PLXDC2: variants seen among roughly 807,000 people sequenced by gnomAD.
PLXDC2 encodes plexin domain containing 2, also known as plexin domain-containing protein 2.
Under a neutral mutation model 68.9 loss-of-function variants are expected in PLXDC2, and 40 were observed. That is an observed-to-expected ratio of 0.58 (90% CI 0.45 to 0.76). The LOEUF is 0.76. Among genes scored for constraint, PLXDC2 ranks in the 30% least tolerant of loss-of-function variants. PLXDC2 has a pLI of 0.00. For synonymous variants in PLXDC2, 243 were observed against 234.2 expected, an observed-to-expected ratio of 1.04 and a Z score of -0.34; for missense variants, 644 against 661.9, an observed-to-expected ratio of 0.97 and a Z score of 0.30.
At chr10:20,148,600 G>C (rs1039422046) in intron 6 of PLXDC2, among the ~76,000 whole-genome samples, 2 of 152,160 alleles carry the variant, frequency 1.3e-5, no homozygotes, top group Non-Finnish European at 2.9e-5. Context: ...GACAAAGTAA[G>C]TAAGGCCTGT....
chr10:19,922,684 G>GTA (rs1343324869), intron 1 of PLXDC2, among the ~76,000 whole-genome samples: 3 of 152,270 alleles, frequency 2.0e-5, no homozygotes, highest in African/African-American at 7.2e-5. Flanking sequence ...ACCTTGGAGA[G>GTA]TATATATGAG....
intron 1 of PLXDC2, among the ~76,000 whole-genome samples, chr10:19,818,826 C>A (rs1046755088): frequency 1.2e-4 from 18 of 152,002 alleles, no homozygotes; most frequent in African/African-American, 4.4e-4. Context: ...TGAATAGATG[C>A]TTAATAAAAA....
At chr10:20,256,476 C>G (rs1436783548) in intron 13 of PLXDC2, among the ~76,000 whole-genome samples, 1 of 152,080 alleles carries the variant, frequency 6.6e-6, no homozygotes, top group Non-Finnish European at 1.5e-5. Context: ...AAATGTGATT[C>G]TTGGGACAGC....
chr10:19,890,240 A>G (rs1230339040), intron 1 of PLXDC2, among the ~76,000 whole-genome samples: 1 of 152,014 alleles, frequency 6.6e-6, no homozygotes, highest in Non-Finnish European at 1.5e-5. Flanking sequence ...AAAAATTTTA[A>G]TTTTGTTTTA....
intron 2 of PLXDC2, among the ~76,000 whole-genome samples, chr10:20,021,549 C>T (rs886962445): frequency 6.6e-6 from 1 of 152,008 alleles, no homozygotes; most frequent in South Asian, 2.1e-4. Context: ...ACATATTAAT[C>T]CTCATCCTGA....
chr10:20,275,450 C>A (rs1474370038), intron 13 of PLXDC2, among the ~76,000 whole-genome samples: 1 of 152,108 alleles, frequency 6.6e-6, no homozygotes, highest in African/African-American at 2.4e-5. Flanking sequence ...TTCCAAAACA[C>A]ATGTTTTAGA....
At chr10:19,966,783 T>C (rs986863219) in intron 1 of PLXDC2, among the ~76,000 whole-genome samples, 2 of 149,426 alleles carry the variant, frequency 1.3e-5, no homozygotes, top group Admixed American at 1.3e-4. Context: ...ACAGGCCTCC[T>C]GGGAAGAGAA....
chr10:19,892,164 C>G (rs928591023), intron 1 of PLXDC2, among the ~76,000 whole-genome samples: 1 of 152,190 alleles, frequency 6.6e-6, no homozygotes, highest in African/African-American at 2.4e-5. Context: ...AACAATAATA[C>G]TTAATAAATA....
At chr10:20,069,159 A>AT (rs148104456) in intron 4 of PLXDC2, among the ~76,000 whole-genome samples, 2 of 152,102 alleles carry the variant, frequency 1.3e-5, no homozygotes, top group Non-Finnish European at 1.5e-5. Context: ...AAGTATTGCC[A>AT]TTTTTTGCCA....
rs968225605 is a variant in PLXDC2 at position 20,284,016 on chromosome 10, G to A, written c.*4197G>A. ...GAGTATAAATTTGATCACGTCCCTA[G>A]TGTCTATTGCCCACTTGAGAAAGGT... On this transcript the variant is annotated 3_prime_UTR_variant, in exon 14 of 14. Transcript: ENST00000377252. 5.3e-5 allele frequency: 8 copies of A among 152,056 alleles called. No homozygotes were observed. Among genetic ancestry groups the A allele is most frequent in the Admixed American group, 5.2e-4 (8 of 15,264 alleles). The allele number at this position is 152,056 out of a possible 1,614,324, so 9.4% of individuals were successfully genotyped here.
intron 2 of PLXDC2, among the ~76,000 whole-genome samples, chr10:20,025,266 G>A (rs558063519): frequency 3.6e-5 from 3 of 83,644 alleles, no homozygotes; most frequent in African/African-American, 5.8e-5. Flanking sequence ...TTGTTTTTTC[G>A]ACTTTTTTTT....
intron 1 of PLXDC2, among the ~76,000 whole-genome samples, chr10:19,965,944 A>C (rs1039940908): frequency 6.6e-6 from 1 of 152,112 alleles, no homozygotes; most frequent in African/African-American, 2.4e-5. Flanking sequence ...ATTCTAGAAG[A>C]TGCTTCTTTT....
At chr10:20,181,928 G>A (rs187676121) in intron 9 of PLXDC2, among the ~76,000 whole-genome samples, 2 of 152,010 alleles carry the variant, frequency 1.3e-5, no homozygotes, top group Non-Finnish European at 2.9e-5. Flanking sequence ...TTTGGGGAGT[G>A]GTTTAGAATG....
intron 4 of PLXDC2, among the ~76,000 whole-genome samples, chr10:20,068,994 C>A (rs1836270336): frequency 6.6e-6 from 1 of 152,006 alleles, no homozygotes; most frequent in African/African-American, 2.4e-5. Context: ...GAGAAAAACA[C>A]ATAAAAATGG....
chr10:19,827,856 G>A (rs547056760), intron 1 of PLXDC2, among the ~76,000 whole-genome samples: 49 of 152,260 alleles, frequency 3.2e-4, no homozygotes, highest in Non-Finnish European at 5.3e-4. Flanking sequence ...ACCGCGCCCA[G>A]CCATCATAAC....
chr10:19,961,227 T>C lies in PLXDC2; in HGVS notation c.113-40548T>C, dbSNP rs374716547. Among the ~76,000 whole-genome samples the C allele has an allele frequency of 3.9e-5, 6 of 152,342 alleles. No homozygotes were observed. The East Asian group carries it at 1.2e-3, about 29-fold the overall frequency. ...TGGCAGAGATGTACGCTGTGCAAAC[T>C]CATTGTTTTCAAGATCAAAATAGAA... On this transcript the variant is annotated intron_variant, in intron 1 of 13. Transcript: ENST00000377252.
intron 1 of PLXDC2, among the ~76,000 whole-genome samples, chr10:19,848,680 G>C (rs1487349049): frequency 6.6e-6 from 1 of 152,178 alleles, no homozygotes; most frequent in Admixed American, 6.5e-5. Context: ...GGTTAGTAGA[G>C]AATTTCAAAT....
chr10:20,120,506 T>C (rs1833682474), intron 4 of PLXDC2, among the ~76,000 whole-genome samples: 1 of 152,230 alleles, frequency 6.6e-6, no homozygotes, highest in South Asian at 2.1e-4. Flanking sequence ...GTTATCAGAC[T>C]GTATAGAGTT....
chr10:19,817,968 C>G (rs1010982479), intron 1 of PLXDC2, among the ~76,000 whole-genome samples: 4 of 152,114 alleles, frequency 2.6e-5, no homozygotes, highest in Non-Finnish European at 5.9e-5. Context: ...AGTTGCGCCC[C>G]GGGGGCTATC....
Sources: allele counts gnomAD v4.1 joint callset (sites outside exome capture counted in the v4.1 genomes callset), GRCh38; gene constraint gnomAD v4.1.1; transcripts MANE v1.5; gene names NCBI Gene and HGNC (gene_info 2026-07-23, HGNC 2026-07-21).